Variants in DHX40 observed in about 807,000 individuals in gnomAD.
DHX40 encodes DEAH-box helicase 40.
Under a neutral mutation model 89.6 loss-of-function variants are expected in DHX40, and 28 were observed. The observed-to-expected ratio is 0.31, with a 90% CI of 0.23 to 0.43. The LOEUF (loss-of-function observed/expected upper bound fraction) is 0.43, where lower values mean the gene tolerates loss of function less well. Ranked by LOEUF, DHX40 falls within the 20% of genes least tolerant of loss-of-function variation. The pLI, the probability that DHX40 is intolerant of heterozygous loss-of-function variation, is 1.00. For synonymous variants in DHX40, 226 were observed against 283.6 expected (o/e 0.80, Z 2.04); for missense variants, 457 against 844.0 (o/e 0.54, Z 5.68).
rs2030922843 is a variant in DHX40, at chr17:59,607,213, A to G, written c.*41A>G. 1 of 1,614,104 alleles carries G rather than the reference A, an allele frequency of 6.2e-7. No homozygotes were observed. Among genetic ancestry groups the G allele is most frequent in the African/African-American group, 1.3e-5 (1 of 74,942 alleles). ...AATTCAGGAAGTGGGAAAAGGAGCC[A>G]GGAAATGTGCTTCTACTTTGCCAGT... On this transcript the variant is annotated 3_prime_UTR_variant, in exon 18 of 18. Coordinates refer to ENST00000251241, the MANE Select transcript of DHX40 (RefSeq NM_024612.5).
chr17:59,570,766 C>T (rs2048795620), intron 3 of DHX40, 103 bp downstream of exon 3: 2 of 1,245,808 alleles, frequency 1.6e-6, no homozygotes, highest in South Asian at 1.7e-5. Flanking sequence ...TCTCTGTAGC[C>T]TCTACCTTCT....
At chr17:59,591,390 A>C (rs941873564) in intron 12 of DHX40, among the ~76,000 whole-genome samples, 73 of 151,712 alleles carry the variant, frequency 4.8e-4, no homozygotes, top group African/African-American at 1.6e-3. Context: ...TTAAGAGTGC[A>C]GGGTTCTGTC....
chr17:59,566,823 A>G (rs1387241065), intron 2 of DHX40, 29 bp downstream of exon 2: 1 of 1,540,006 alleles, frequency 6.5e-7, no homozygotes, highest in Non-Finnish European at 8.7e-7. Context: ...AATAATTGGA[A>G]ATATTTTAAA....
chr17:59,591,206 T>C (rs1198170758), intron 12 of DHX40, among the ~76,000 whole-genome samples: 1 of 151,530 alleles, frequency 6.6e-6, no homozygotes, highest in Non-Finnish European at 1.5e-5. Flanking sequence ...CTGGGGAGGC[T>C]GAGGCGGAGA....
intron 11 of DHX40, among the ~76,000 whole-genome samples, chr17:59,586,808 G>A (rs1225060502): frequency 6.6e-6 from 1 of 152,098 alleles, no homozygotes; most frequent in African/African-American, 2.4e-5. Flanking sequence ...GAGAGCCAGA[G>A]TCCTTGTTTT....
intron 3 of DHX40, among the ~76,000 whole-genome samples, chr17:59,571,389 G>A (rs543309222): frequency 3.9e-4 from 59 of 151,070 alleles, no homozygotes; most frequent in African/African-American, 1.2e-3. Flanking sequence ...CCCGGGAGGC[G>A]GAGGTTGCGG....
chr17:59,569,992 C>T (rs137907146), intron 2 of DHX40, among the ~76,000 whole-genome samples: 14 of 141,626 alleles, frequency 9.9e-5, no homozygotes, highest in Non-Finnish European at 1.5e-4. Context: ...TGCGGTGAGC[C>T]GAGATTGCGC....
Position 59,565,618 on chromosome 17 carries a change from C to A in DHX40, c.-54C>A. On this transcript the variant is annotated 5_prime_UTR_variant, in exon 1 of 18. Transcript: ENST00000251241. ...CATCAGGGCGCGTCCTCGTCTTTCC[C>A]CTCCCATCTCCTCAGATCGGTGGAC... 1 of 1,513,744 alleles carries A rather than the reference C, an allele frequency of 6.6e-7. No homozygotes were observed. The highest frequency in any genetic ancestry group is 1.2e-5 in the South Asian group (1 of 84,728). 93.8% of individuals were successfully genotyped at this position (1,513,744 alleles called of 1,614,324 possible). A position where few individuals can be genotyped will look rare whatever the true frequency, so the allele number is the denominator to read the frequency against.
At chr17:59,600,396 T>C (rs1359338813) in intron 14 of DHX40, among the ~76,000 whole-genome samples, 1 of 152,042 alleles carries the variant, frequency 6.6e-6, no homozygotes, top group East Asian at 1.9e-4. Flanking sequence ...ATCATTGACA[T>C]TGAAGACTTA....
rs1270754329 is a variant in DHX40, at chr17:59,607,372, C to T, written c.*200C>T. 25 of 1,010,662 alleles carry T rather than the reference C, an allele frequency of 2.5e-5. No individual in the cohort carries two copies. Among genetic ancestry groups the T allele is most frequent in the Non-Finnish European group, 3.7e-5 (25 of 677,314 alleles). 62.6% of individuals were successfully genotyped at this position (1,010,662 alleles called of 1,614,324 possible). ...AGTTGTCAAAGAAAAGATTTGGTTG[C>T]CATAGTCATAAGCAATGATACATGA... On this transcript the variant is annotated 3_prime_UTR_variant, in exon 18 of 18. Transcript: ENST00000251241.
rs967031466 is a variant in DHX40 at position 59,586,796 on chromosome 17, A to G, written c.1424+563A>G. On this transcript the variant is annotated intron_variant, in intron 11 of 17. Transcript: ENST00000251241. ...ATTATGCTGGATACATAAAAATGAT[A>G]AGAGAGCCAGAGTCCTTGTTTTCAT... 4.4e-4 allele frequency among the ~76,000 whole-genome samples: 67 copies of G among 152,270 alleles called. 2 individuals carry two copies. Among genetic ancestry groups the G allele is most frequent in the East Asian group, 9.6e-4 (5 of 5,186 alleles).
In DHX40 at chr17:59,594,122, C is replaced by T. The variant is rs573863137; in HGVS notation, c.1583-4615C>T. Among the ~76,000 whole-genome samples the T allele has an allele frequency of 1.8e-3, 273 of 152,136 alleles. 11 individuals carry two copies. The highest frequency in any genetic ancestry group is 0.018 in the Admixed American group (271 of 15,270). On this transcript the variant is annotated intron_variant, in intron 12 of 17. Transcript: ENST00000251241. ...ACTTCTCAGAAGGCACAGCTTTGGG[C>T]ATGAGAACAATCTTCTAGAACACCA...
intron 7 of DHX40, among the ~76,000 whole-genome samples, chr17:59,575,865 A>G (rs981329393): frequency 1.3e-5 from 2 of 151,296 alleles, no homozygotes; most frequent in African/African-American, 4.9e-5. Flanking sequence ...ATATCCAGCT[A>G]TATCTAAGTC....
At position 59,586,164 on chromosome 17, in the gene DHX40, T is replaced by C. The variant is rs1332580983; in HGVS notation, c.1355T>C (p.Leu452Ser). ...AIHDVIRFPYLDPPNERLILE... is the reference protein window; with the variant it reads ...AIHDVIRFPYSDPPNERLILE... The stretch of plus-strand genomic sequence containing the variant: ...ATTTAAACACACAGGTTTCCCTATT[T>C]GGATCCACCTAATGAGAGACTTATT... The change falls in exon 11 of 18, where the codon TTG (leucine) becomes TCG (serine). Residue 452 changes from leucine to serine, a missense_variant. Physicochemically the swap from Leu to Ser is moderately radical, Grantham distance 145. This residue lies in a region of DHX40 where 19 missense variants were observed against 110.3 expected (regional missense o/e 0.17). Coordinates refer to ENST00000251241, the MANE Select transcript of DHX40 (RefSeq NM_024612.5). 7.5e-6 allele frequency: 12 copies of C among 1,597,538 alleles called. No individual in the cohort carries two copies. Among genetic ancestry groups the C allele is most frequent in the Non-Finnish European group, 1.0e-5 (12 of 1,170,628 alleles).
In DHX40 at chr17:59,607,989, A is replaced by G; in HGVS notation, c.*817A>G. On this transcript the variant is annotated 3_prime_UTR_variant, in exon 18 of 18. Transcript: ENST00000251241. Reference sequence around the variant, plus strand: ...GATAGTACTTTCAAACAGCGCCTCCACCTGGCCTACTCTGTTATTTCCACC... The same window carrying G: ...GATAGTACTTTCAAACAGCGCCTCCGCCTGGCCTACTCTGTTATTTCCACC... The G allele has an allele frequency of 6.5e-6, 1 of 154,436 alleles. No homozygotes were observed. Among genetic ancestry groups the G allele is most frequent in the African/African-American group, 2.4e-5 (1 of 41,364 alleles). 9.6% of individuals were successfully genotyped at this position (154,436 alleles called of 1,614,324 possible).
At chr17:59,600,245 T>C (rs1390215677) in intron 14 of DHX40, among the ~76,000 whole-genome samples, 2 of 152,110 alleles carry the variant, frequency 1.3e-5, no homozygotes, top group Non-Finnish European at 2.9e-5. Context: ...ATCAGTAGGT[T>C]CTTGGAAACT....
intron 15 of DHX40, chr17:59,603,845 C>A (rs1020918462): frequency 1.3e-5 from 2 of 152,190 alleles, no homozygotes; most frequent in Middle Eastern, 3.4e-3. Flanking sequence ...ATGAGAAAAA[C>A]ACAGCATTAT....
chr17:59,606,420 C>T (rs914788524), intron 17 of DHX40, among the ~76,000 whole-genome samples: 1 of 152,000 alleles, frequency 6.6e-6, no homozygotes, highest in Non-Finnish European at 1.5e-5. Flanking sequence ...AGAGTTTTGC[C>T]GAATAAATCA....
At chr17:59,575,515 T>G (rs548114277) in intron 7 of DHX40, 44 bp downstream of exon 7, 1 of 1,598,194 alleles carries the variant, frequency 6.3e-7, no homozygotes, top group African/African-American at 1.4e-5. Flanking sequence ...TTAAAAAAAC[T>G]TTTTATTGAA....
Sources: gnomAD v4.1 joint callset for allele counts (sites outside exome capture counted in the v4.1 genomes callset) on GRCh38, gnomAD v4.1.1 for gene constraint, gnomAD v4.1.1 regional missense constraint, MANE v1.5 for transcripts, NCBI Gene and HGNC (gene_info 2026-07-23, HGNC 2026-07-21) for gene names.